The following CELSR2 variants were observed in gnomAD, a reference collection of about 807,000 sequenced individuals.
CELSR2 encodes cadherin EGF LAG seven-pass G-type receptor 2, also known as EGF-like protein 2.
Under a neutral mutation model 251.6 loss-of-function variants are expected in CELSR2, and 81 were observed. The observed-to-expected ratio is 0.32, with a 90% CI of 0.27 to 0.39. CELSR2 has a LOEUF of 0.39. CELSR2 is among the 10% of genes least tolerant of loss of function. The pLI is 1.00. For missense variants in CELSR2, 3,365 were observed against 3,947.7 expected (o/e 0.85, Z 3.96); for synonymous variants, 1,721 against 1,670.5 (o/e 1.03, Z -0.74).
At chr1:109,253,751 G>T in intron 1 of CELSR2, among the ~76,000 whole-genome samples, 1 of 152,188 alleles carries the variant, frequency 6.6e-6, no homozygotes, top group East Asian at 1.9e-4. Flanking sequence ...GAAGGGCAGA[G>T]AGGACTGTGG....
intron 17 of CELSR2, 44 bp downstream of exon 17, chr1:109,268,104 A>G: frequency 6.4e-7 from 1 of 1,558,762 alleles, no homozygotes. Flanking sequence ...GATAGGGGTC[A>G]TGGTGAGTGA....
In CELSR2 at chr1:109,269,428, C is replaced by T. The variant is rs1557736057; in HGVS notation, c.6817C>T (p.Pro2273Ser). Reference protein sequence around the residue: ...YDPDKRSLRVPKRPIINTPVV... With the variant: ...YDPDKRSLRVSKRPIINTPVV... ...CACCTGACTGCCCCACATCAGAGTC[C>T]CCAAACGCCCGATCATCAACACACC... The change falls in exon 21 of 34, where the codon CCC (proline) becomes TCC (serine). Residue 2273 changes from proline (P) to serine (S), a missense_variant. This residue lies in a region of CELSR2 where 2,093 missense variants were observed against 2,382.8 expected (regional missense o/e 0.88). Transcript: ENST00000271332. This position sits in a 1 kb window ranked among gnomAD's most constrained non-coding sequence, Gnocchi z 6.4. 6.2e-7 allele frequency: 1 copy of T among 1,613,492 alleles called. No homozygotes were observed. Among genetic ancestry groups the T allele is most frequent in the East Asian group, 2.2e-5 (1 of 44,868 alleles).
chr1:109,254,726 G>T (rs984882896), intron 1 of CELSR2, among the ~76,000 whole-genome samples: 1 of 152,192 alleles, frequency 6.6e-6, no homozygotes, highest in African/African-American at 2.4e-5. Flanking sequence ...CCTCACTCAG[G>T]GTCCTTGCTG....
At chr1:109,266,721 CTTTT>C (rs36115271) in intron 15 of CELSR2, among the ~76,000 whole-genome samples, 4 of 120,144 alleles carry the variant, frequency 3.3e-5, no homozygotes, top group African/African-American at 6.2e-5. Flanking sequence ...ACATTTTGGA[CTTTT>C]TTTTTTTTTT....
At position 109,273,348 on chromosome 1, in the gene CELSR2, A is replaced by G; in HGVS notation, c.8509+12A>G. On this transcript the variant is annotated intron_variant, in intron 32 of 33. Transcript: ENST00000271332. ...CCAGCCTCACAAAGGTGAGTGGGGC[A>G]CCCCCAGCTGCCGAGCTCCCCTAGT... 1 of 1,600,752 alleles carries G rather than the reference A, an allele frequency of 6.2e-7. No homozygotes were observed. Among genetic ancestry groups the G allele is most frequent in the Non-Finnish European group, 8.5e-7 (1 of 1,173,360 alleles).
At chr1:109,273,972 A>C (rs746444383) in intron 33 of CELSR2, 50 bp from the exon 34 acceptor site, 1 of 1,607,718 alleles carries the variant, frequency 6.2e-7, no homozygotes. Flanking sequence ...CTCTGTTTCA[A>C]CTAACCCTCT....
At position 109,252,056 on chromosome 1, in the gene CELSR2, CA is replaced by C; in HGVS notation, c.1978del (p.Ser660AlafsTer41). 1 of 1,614,120 alleles carries C rather than the reference CA, an allele frequency of 6.2e-7. No individual in the cohort carries two copies. Among genetic ancestry groups the C allele is most frequent in the Non-Finnish European group, 8.5e-7 (1 of 1,180,036 alleles). ...ATACTCGAAACCGCTTCTCCATCAC[CA>C]GCCAAAGTGGTGGTGGGCTGGTATC... Reference protein sequence around the residue: ...GNTRNRFSITSQSGGGLVSLA... With the variant: ...GNTRNRFSITXQSGGGLVSLA... On this transcript the variant is annotated frameshift_variant, in exon 1 of 34. Coordinates refer to ENST00000271332, the MANE Select transcript of CELSR2 (RefSeq NM_001408.3). LOFTEE classifies it high-confidence loss of function. This position sits in a 1 kb window ranked among gnomAD's most constrained non-coding sequence, Gnocchi z 4.8.
rs778582102 is a variant in CELSR2, at chr1:109,261,247, C to T, written c.4164C>T (p.His1388=). ...TTCGCGGCCTGCGCCAGCGTTTCCACTTCACCCTGGCCCTCTCGTGAGTGG... is the reference window on the plus strand; with the variant it reads ...TTCGCGGCCTGCGCCAGCGTTTCCATTTCACCCTGGCCCTCTCGTGAGTGG... ...ITFRGLRQRF[H]FTLALSFATK... is the part of the protein sequence containing the mutation. The change falls in exon 3 of 34, where the codon CAC becomes CAT. Residue 1388 remains histidine, a synonymous_variant. Coordinates refer to ENST00000271332, the MANE Select transcript of CELSR2 (RefSeq NM_001408.3). This position sits in a 1 kb window ranked among gnomAD's most constrained non-coding sequence, Gnocchi z 4.8. 6.2e-7 allele frequency: 1 copy of T among 1,613,492 alleles called. No homozygotes were observed. The highest frequency in any genetic ancestry group is 2.2e-5 in the East Asian group (1 of 44,888).
rs746541554 is a variant in CELSR2 at position 109,268,930 on chromosome 1, C to T, written c.6553C>T (p.Pro2185Ser). The T allele has an allele frequency of 6.2e-7, 1 of 1,613,344 alleles. No individual in the cohort carries two copies. The highest frequency in any genetic ancestry group is 1.1e-5 in the South Asian group (1 of 91,030). Residue 2185 changes from proline to serine, a missense_variant, in exon 19 of 34, where the codon CCC becomes TCC. Physicochemically the swap from Pro to Ser is moderately conservative, Grantham distance 74. This residue lies in a region of CELSR2 where 2,093 missense variants were observed against 2,382.8 expected (regional missense o/e 0.88). Transcript: ENST00000271332. The stretch of plus-strand genomic sequence containing the variant: ...AGGGAACTTTGCTGGGGCCAAGCTG[C>T]CCCGCTACGAGGCCCTGCGTGGGGA... ...DKGNFAGAKL[P>S]RYEALRGEQP...
intron 28 of CELSR2, 60 bp from the exon 29 acceptor site, chr1:109,272,218 T>C: frequency 1.3e-6 from 2 of 1,516,164 alleles, no homozygotes; most frequent in Non-Finnish European, 8.9e-7. Context: ...CCCTCCTTCT[T>C]CCCAGCCTGG....
Position 109,253,361 on chromosome 1 carries a change from G to A in CELSR2, c.3282G>A (p.Leu1094=). The change falls in exon 1 of 34, where the codon CTG becomes CTA. Residue 1094 remains leucine (L), a synonymous_variant. Coordinates refer to ENST00000271332, the MANE Select transcript of CELSR2 (RefSeq NM_001408.3). ...GCGCACTGGACAACAACCGGCCTCT[G>A]GAGGCCATCATGAGCGTGCTGGTGT... ...LSRALDNNRP[L]EAIMSVLVSD... 1.9e-6 allele frequency: 3 copies of A among 1,613,116 alleles called. No individual in the cohort carries two copies. The highest frequency in any genetic ancestry group is 2.5e-6 in the Non-Finnish European group (3 of 1,180,008).
At position 109,263,755 on chromosome 1, in the gene CELSR2, G is replaced by C; in HGVS notation, c.4979G>C (p.Gly1660Ala). ...DGVLLQAITR[G>A]RSTITLQLRE... ...GTCCTGCTGCAGGCCATCACCAGGGGGCGCAGCACCATCACCCTACAGGTG... is the reference window on the plus strand; with the variant it reads ...GTCCTGCTGCAGGCCATCACCAGGGCGCGCAGCACCATCACCCTACAGGTG... The change falls in exon 9 of 34, where the codon GGG becomes GCG. Residue 1660 changes from glycine to alanine, a missense_variant. Transcript: ENST00000271332. 2 of 1,613,540 alleles carry C rather than the reference G, an allele frequency of 1.2e-6. No individual in the cohort carries two copies. The highest frequency in any genetic ancestry group is 1.7e-6 in the Non-Finnish European group (2 of 1,179,964).
Position 109,264,924 on chromosome 1 carries a change from T to G in CELSR2, c.5521T>G (p.Ser1841Ala). The G allele has an allele frequency of 6.2e-7, 1 of 1,614,150 alleles. No homozygotes were observed. The highest frequency in any genetic ancestry group is 8.5e-7 in the Non-Finnish European group (1 of 1,180,022). The stretch of plus-strand genomic sequence containing the variant: ...TGACCTGAACCCGTGTGAGCACCAG[T>G]CTGTGTGTACCCGCAAGCCCAGTGC... ...VCDLNPCEHQ[S>A]VCTRKPSAPH... The change falls in exon 12 of 34, where the codon TCT (serine) becomes GCT (alanine). Residue 1841 changes from serine to alanine, a missense_variant. By Grantham distance (99) the Ser-to-Ala change is moderately conservative (BLOSUM62 1). Around this residue, in one of 5 missense-constraint regions of CELSR2, gnomAD observed 2,093 missense variants for 2,382.8 expected, o/e 0.88. Coordinates refer to ENST00000271332, the MANE Select transcript of CELSR2 (RefSeq NM_001408.3).
intron 1 of CELSR2, among the ~76,000 whole-genome samples, chr1:109,255,459 C>T (rs977300867): frequency 6.6e-6 from 1 of 152,216 alleles, no homozygotes; most frequent in South Asian, 2.1e-4. Context: ...GATGGCTCCC[C>T]TGGAGGCTGA....
At chr1:109,273,814 C>G in intron 33 of CELSR2, 144 bp downstream of exon 33, 1 of 971,716 alleles carries the variant, frequency 1.0e-6, no homozygotes, top group East Asian at 2.5e-5. Flanking sequence ...CCTTACTATG[C>G]CGTGCCCACA....
Position 109,261,653 on chromosome 1 carries a change from T to C in CELSR2, c.4297+25T>C, listed in dbSNP as rs747241426. ...GGTGATCACAGTTGCCCCCCATCCTTGCCCATCTTCCAAAGGCCCCAAGTC... is the reference window on the plus strand; with the variant it reads ...GGTGATCACAGTTGCCCCCCATCCTCGCCCATCTTCCAAAGGCCCCAAGTC... On this transcript the variant is annotated intron_variant, in intron 4 of 33. Transcript: ENST00000271332. The surrounding 1 kb of genome is among the most constrained non-coding windows in gnomAD (Gnocchi z 4.8). 1.2e-6 allele frequency: 2 copies of C among 1,600,286 alleles called. No individual in the cohort carries two copies. Among genetic ancestry groups the C allele is most frequent in the Non-Finnish European group, 1.7e-6 (2 of 1,167,504 alleles).
At position 109,273,461 on chromosome 1, in the gene CELSR2, C is replaced by T. The variant is rs746559355; in HGVS notation, c.8535C>T (p.Pro2845=). ...HKGILKKKCL[P]TISEKSSLLR... ...GCATCCTTAAGAAGAAGTGTCTGCC[C>T]ACCATCAGCGAGAAGAGCAGCCTCC... Residue 2845 remains proline, a synonymous_variant, in exon 33 of 34, where the codon CCC becomes CCT. Transcript: ENST00000271332. 5.0e-6 allele frequency: 8 copies of T among 1,612,316 alleles called. No homozygotes were observed. Among genetic ancestry groups the T allele is most frequent in the East Asian group, 2.2e-5 (1 of 44,760 alleles).
chr1:109,271,121 A>C, intron 25 of CELSR2, 82 bp downstream of exon 25: 1 of 1,511,594 alleles, frequency 6.6e-7, no homozygotes, highest in Non-Finnish European at 9.1e-7. Flanking sequence ...TGTCCTCAGG[A>C]CTCCCTTTAG....
chr1:109,267,534 C>T lies in CELSR2; in HGVS notation c.6014-14C>T, dbSNP rs375242076. ...GTCTCCCTGAGGCCGGCCCTTTTGG[C>T]TTCCTTCCCCCAGGGACTGCTGTGC... On this transcript the variant is annotated splice_polypyrimidine_tract_variant and intron_variant, in intron 15 of 33. Transcript: ENST00000271332. 13 of 1,611,570 alleles carry T rather than the reference C, an allele frequency of 8.1e-6. No individual in the cohort carries two copies. Among genetic ancestry groups the T allele is most frequent in the Admixed American group, 5.0e-5 (3 of 59,566 alleles).
Sources: allele counts gnomAD v4.1 joint callset (sites outside exome capture counted in the v4.1 genomes callset), GRCh38; gene constraint gnomAD v4.1.1; regional missense constraint gnomAD v4.1.1; non-coding constraint Gnocchi (gnomAD v3.1); transcripts MANE v1.5; gene names NCBI Gene and HGNC (gene_info 2026-07-23, HGNC 2026-07-21).